The following RBM20 variants were observed in gnomAD, a reference collection of about 807,000 sequenced individuals.
The protein encoded by RBM20 is RNA binding motif protein 20.
Under a neutral mutation model 110.1 loss-of-function variants are expected in RBM20, and 51 were observed. The ratio of observed to expected loss-of-function variants is 0.46; its 90% confidence interval spans 0.37 to 0.59. RBM20 has a LOEUF of 0.59. RBM20 is among the 20% of genes least tolerant of loss of function. RBM20 has a pLI of 0.00. For synonymous variants in RBM20, 589 were observed against 618.2 expected (o/e 0.95, Z 0.70); for missense variants, 1,512 against 1,574.9 (o/e 0.96, Z 0.68).
chr10:110,822,407 C>T (rs1203121448), intron 11 of RBM20: 1 of 458,522 alleles, frequency 2.2e-6, no homozygotes, highest in Admixed American at 2.3e-5. Flanking sequence ...TTCTTACTAC[C>T]TCAGACCCAT....
At chr10:110,730,285 A>C (rs1843607240) in intron 1 of RBM20, among the ~76,000 whole-genome samples, 1 of 152,260 alleles carries the variant, frequency 6.6e-6, no homozygotes. Flanking sequence ...ACTGTGCATT[A>C]ACATAGCAAT....
rs540268758 is a variant in RBM20, at chr10:110,745,524, C to A, written c.192-35277C>A. ...TTTGATAAATTCTCTGGATTAAATTCTCCAAGGGATTTGGAGTGGTTTCTC... is the reference window on the plus strand; with the variant it reads ...TTTGATAAATTCTCTGGATTAAATTATCCAAGGGATTTGGAGTGGTTTCTC... On this transcript the variant is annotated intron_variant, in intron 1 of 13. Transcript: ENST00000369519. Among the ~76,000 whole-genome samples, 3 of 152,248 alleles carry A rather than the reference C, an allele frequency of 2.0e-5. No individual in the cohort carries two copies. In the South Asian group the frequency reaches 6.2e-4, roughly 32 times the overall value.
At chr10:110,784,580 T>C (rs538342630) in intron 4 of RBM20, 148 bp downstream of exon 4, 120 of 730,020 alleles carry the variant, frequency 1.6e-4, no homozygotes, top group African/African-American at 9.4e-4. Context: ...CTAAAATGCA[T>C]TGGGCCTGCT....
At chr10:110,732,755 G>T (rs370006112) in intron 1 of RBM20, among the ~76,000 whole-genome samples, 105 of 152,214 alleles carry the variant, frequency 6.9e-4, no homozygotes, top group South Asian at 4.1e-3. Flanking sequence ...TCATGTCAAG[G>T]GTGAGAACTT....
At chr10:110,665,412 A>G (rs1243502537) in intron 1 of RBM20, among the ~76,000 whole-genome samples, 1 of 152,190 alleles carries the variant, frequency 6.6e-6, no homozygotes, top group Non-Finnish European at 1.5e-5. Flanking sequence ...TATAGAAAAT[A>G]CAAGGGATGC....
intron 13 of RBM20, among the ~76,000 whole-genome samples, chr10:110,834,846 A>T (rs1044253362): frequency 6.6e-6 from 1 of 152,222 alleles, no homozygotes; most frequent in African/African-American, 2.4e-5. Flanking sequence ...AACCTGTCCC[A>T]GTCTGCCTCA....
At chr10:110,762,746 G>C (rs1409871771) in intron 1 of RBM20, among the ~76,000 whole-genome samples, 1 of 152,186 alleles carries the variant, frequency 6.6e-6, no homozygotes, top group Non-Finnish European at 1.5e-5. Flanking sequence ...GCACATCACT[G>C]CTTCTCCCAC....
chr10:110,822,209 C>T (rs1266967127), intron 11 of RBM20, among the ~76,000 whole-genome samples: 2 of 152,154 alleles, frequency 1.3e-5, no homozygotes, highest in Non-Finnish European at 2.9e-5. Context: ...TTTACAGGAG[C>T]CCAGATGGAC....
intron 1 of RBM20, among the ~76,000 whole-genome samples, chr10:110,680,199 G>C (rs991644652): frequency 6.6e-6 from 1 of 152,048 alleles, no homozygotes; most frequent in African/African-American, 2.4e-5. Context: ...TTCTTGGTGG[G>C]GGCGGAAGTT....
At chr10:110,651,793 A>T (rs940216586) in intron 1 of RBM20, among the ~76,000 whole-genome samples, 7 of 152,136 alleles carry the variant, frequency 4.6e-5, no homozygotes, top group African/African-American at 1.7e-4. Flanking sequence ...GCTGGGCCTC[A>T]TGCTTCCGTG....
chr10:110,703,740 C>T (rs1382802055), intron 1 of RBM20, among the ~76,000 whole-genome samples: 1 of 152,238 alleles, frequency 6.6e-6, no homozygotes, highest in Non-Finnish European at 1.5e-5. Flanking sequence ...ACATCCACCT[C>T]CCGCCCTTTG....
intron 7 of RBM20, among the ~76,000 whole-genome samples, chr10:110,800,576 C>T (rs1039055516): frequency 6.6e-6 from 1 of 152,086 alleles, no homozygotes; most frequent in African/African-American, 2.4e-5. Context: ...TCACAAATCC[C>T]GTAAAACCAC....
intron 5 of RBM20, among the ~76,000 whole-genome samples, chr10:110,785,125 T>A (rs1334527716): frequency 6.6e-6 from 1 of 152,164 alleles, no homozygotes; most frequent in Admixed American, 6.5e-5. Context: ...CTGCCTCAAA[T>A]ACCTCTCTGT....
At chr10:110,794,791 A>T (rs938884210) in intron 5 of RBM20, among the ~76,000 whole-genome samples, 1 of 152,236 alleles carries the variant, frequency 6.6e-6, no homozygotes, top group Non-Finnish European at 1.5e-5. Context: ...CCATTCACTT[A>T]GTGCCTTTGG....
At chr10:110,677,199 C>T (rs1189369234) in intron 1 of RBM20, among the ~76,000 whole-genome samples, 2 of 152,144 alleles carry the variant, frequency 1.3e-5, no homozygotes, top group Admixed American at 1.3e-4. Flanking sequence ...CTTATAAAGC[C>T]ACCAGTCCCA....
At chr10:110,750,852 G>A (rs1031146483) in intron 1 of RBM20, among the ~76,000 whole-genome samples, 32 of 152,110 alleles carry the variant, frequency 2.1e-4, no homozygotes, top group African/African-American at 7.7e-4. Context: ...GATGAAGGAA[G>A]GGTGCGATGG....
At chr10:110,724,549 G>T (rs547079471) in intron 1 of RBM20, among the ~76,000 whole-genome samples, 1 of 152,298 alleles carries the variant, frequency 6.6e-6, no homozygotes, top group South Asian at 2.1e-4. Flanking sequence ...CACTGTGAGT[G>T]GGGAGAAGCA....
At position 110,781,043 on chromosome 10, in the gene RBM20, G is replaced by C; in HGVS notation, c.434G>C (p.Gly145Ala). Residue 145 changes from glycine to alanine, a missense_variant, in exon 2 of 14, where the codon GGC becomes GCC. By Grantham distance (60) the Gly-to-Ala change is moderately conservative. This residue lies in a region of RBM20 where 1,149 missense variants were observed against 1,169.4 expected (regional missense o/e 0.98). Transcript: ENST00000369519. The part of the protein sequence containing the change: ...NQLRHPSVIT[G>A]PHGHAGVPQH... Reference sequence around the variant, plus strand: ...CTGAGGCATCCGTCTGTGATCACTGGCCCCCACGGCCATGCTGGGGTTCCC... The same window carrying C: ...CTGAGGCATCCGTCTGTGATCACTGCCCCCCACGGCCATGCTGGGGTTCCC... 1.3e-6 allele frequency: 2 copies of C among 1,551,836 alleles called. No individual in the cohort carries two copies. The highest frequency in any genetic ancestry group is 1.7e-6 in the Non-Finnish European group (2 of 1,147,026).
chr10:110,710,513 G>A (rs1052440076), intron 1 of RBM20, among the ~76,000 whole-genome samples: 2 of 152,220 alleles, frequency 1.3e-5, no homozygotes, highest in African/African-American at 2.4e-5. Flanking sequence ...TCCTCAGAGA[G>A]CCACTTTTCC....
Sources: allele counts gnomAD v4.1 joint callset (sites outside exome capture counted in the v4.1 genomes callset), GRCh38; gene constraint gnomAD v4.1.1; regional missense constraint gnomAD v4.1.1; transcripts MANE v1.5; gene names NCBI Gene and HGNC (gene_info 2026-07-23, HGNC 2026-07-21).